HIBCH: variants seen among roughly 807,000 people sequenced by gnomAD.
HIBCH encodes 3-hydroxyisobutyryl-CoA hydrolase, mitochondrial.
Under a neutral mutation model 58.2 loss-of-function variants are expected in HIBCH, and 50 were observed. The ratio of observed to expected loss-of-function variants is 0.86; its 90% confidence interval spans 0.68 to 1.09. HIBCH has a LOEUF of 1.09. Ranked by LOEUF, HIBCH falls within the 50% of genes least tolerant of loss-of-function variation. The pLI is 0.00. For synonymous variants in HIBCH, 151 were observed against 146.9 expected (o/e 1.03, Z -0.20); for missense variants, 450 against 449.7 (o/e 1.00, Z -0.01).
At chr2:190,283,129 TAGATTTA>T (rs1687746279) in intron 6 of HIBCH, among the ~76,000 whole-genome samples, 1 of 152,230 alleles carries the variant, frequency 6.6e-6, no homozygotes, top group African/African-American at 2.4e-5. Context: ...TTCAGATTTT[TAGATTTA>T]AGATTTGTTA....
At chr2:190,205,829 A>C (rs1375924353) in intron 13 of HIBCH, among the ~76,000 whole-genome samples, 1 of 152,192 alleles carries the variant, frequency 6.6e-6, no homozygotes, top group Non-Finnish European at 1.5e-5. Flanking sequence ...ATAGCCACAT[A>C]GTATCCCCAC....
At chr2:190,218,027 A>G in intron 11 of HIBCH, among the ~76,000 whole-genome samples, 1 of 152,132 alleles carries the variant, frequency 6.6e-6, no homozygotes, top group East Asian at 1.9e-4. Flanking sequence ...GCCCAGTACT[A>G]GGGGTGGAAA....
At chr2:190,251,543 T>A (rs968864060) in intron 8 of HIBCH, 22 of 448,598 alleles carry the variant, frequency 4.9e-5, no homozygotes, top group Non-Finnish European at 9.2e-5. Flanking sequence ...TACTATGTAA[T>A]AGTGTCATCT....
chr2:190,224,804 C>T (rs932057405), intron 11 of HIBCH, among the ~76,000 whole-genome samples: 7 of 152,306 alleles, frequency 4.6e-5, no homozygotes, highest in African/African-American at 1.7e-4. Context: ...ATCTACAGAA[C>T]TCTCCACCCC....
At chr2:190,198,095 C>T (rs1235796720) in intron 1 of HIBCH, among the ~76,000 whole-genome samples, 1 of 152,168 alleles carries the variant, frequency 6.6e-6, no homozygotes, top group Non-Finnish European at 1.5e-5. Context: ...TTAAAATTAA[C>T]ATCTCTGAAG....
intron 6 of HIBCH, among the ~76,000 whole-genome samples, chr2:190,274,611 C>T (rs533829463): frequency 6.6e-6 from 1 of 152,236 alleles, no homozygotes; most frequent in East Asian, 1.9e-4. Flanking sequence ...GCTGGGACTG[C>T]TCCAACAAGA....
intron 6 of HIBCH, among the ~76,000 whole-genome samples, chr2:190,284,724 T>A (rs902839866): frequency 1.3e-5 from 2 of 152,200 alleles, no homozygotes; most frequent in African/African-American, 2.4e-5. Context: ...TTTACCTTGA[T>A]TCCTTGGCCT....
At chr2:190,285,152 T>C (rs1205982682) in intron 6 of HIBCH, among the ~76,000 whole-genome samples, 1 of 152,256 alleles carries the variant, frequency 6.6e-6, no homozygotes, top group Non-Finnish European at 1.5e-5. Context: ...ATGTCAGCTT[T>C]GCTACTGTGT....
At chr2:190,257,781 G>A (rs1686969525) in intron 7 of HIBCH, among the ~76,000 whole-genome samples, 1 of 152,294 alleles carries the variant, frequency 6.6e-6, no homozygotes, top group African/African-American at 2.4e-5. Context: ...GACAGGACAA[G>A]AGAGCAGAAG....
chr2:190,231,255 GA>G (rs1686087379), intron 11 of HIBCH, among the ~76,000 whole-genome samples: 1 of 152,128 alleles, frequency 6.6e-6, no homozygotes, highest in Non-Finnish European at 1.5e-5. Context: ...GCAGTAACTA[GA>G]AATCTTCCAG....
intron 11 of HIBCH, among the ~76,000 whole-genome samples, chr2:190,231,132 A>C (rs1408366585): frequency 6.6e-6 from 1 of 152,238 alleles, no homozygotes; most frequent in Admixed American, 6.5e-5. Context: ...TCTTTTCAAC[A>C]AACTGTGCTG....
rs59818148 is a variant in HIBCH, at chr2:190,206,556, GAGAT to G, written c.1046-1328_1046-1325del. Reference sequence around the variant, plus strand: ...GCAGCTCAGGTTTTGCAAGTCTCCTGAGATAGCCACTACATGGAGTTTGAGTGGG... The same window carrying G: ...GCAGCTCAGGTTTTGCAAGTCTCCTGAGCCACTACATGGAGTTTGAGTGGG... On this transcript the variant is annotated intron_variant, in intron 13 of 13. Coordinates refer to ENST00000359678, the MANE Select transcript of HIBCH (RefSeq NM_014362.4). This position sits in a 1 kb window ranked among gnomAD's most constrained non-coding sequence, Gnocchi z 5.1. 2.1e-3 allele frequency among the ~76,000 whole-genome samples: 313 copies of G among 152,290 alleles called. No individual in the cohort carries two copies. The highest frequency in any genetic ancestry group is 6.9e-3 in the African/African-American group (287 of 41,562).
intron 1 of HIBCH, 155 bp from the exon 2 acceptor site, chr2:190,310,951 A>G: frequency 1.4e-6 from 1 of 710,384 alleles, no homozygotes; most frequent in Non-Finnish European, 2.6e-6. Flanking sequence ...GCTGGTAGGA[A>G]CATTAAATGG....
chr2:190,307,713 GA>G (rs34421312), intron 2 of HIBCH, among the ~76,000 whole-genome samples: 83,330 of 151,704 alleles, frequency 0.55, 23,789 homozygotes, highest in South Asian at 0.61. Flanking sequence ...GGAGAAAGAA[GA>G]AAAAAAAATA....
intron 7 of HIBCH, among the ~76,000 whole-genome samples, chr2:190,259,642 TTTTTCAAATAGTTTGTTGTTAG>T (rs1348259067): frequency 6.6e-6 from 1 of 152,242 alleles, no homozygotes; most frequent in Non-Finnish European, 1.5e-5. Context: ...TGTTTTCTTA[TTTTTCAAATAGTTTGTTGTTAG>T]TGTATAGAAA....
chr2:190,276,699 C>T (rs1687562657), intron 6 of HIBCH, among the ~76,000 whole-genome samples: 1 of 152,200 alleles, frequency 6.6e-6, no homozygotes, highest in South Asian at 2.1e-4. Flanking sequence ...GAAGCAGATG[C>T]TAGTGCCATG....
chr2:190,256,617 C>T (rs915702225), intron 7 of HIBCH, among the ~76,000 whole-genome samples: 6 of 151,886 alleles, frequency 4.0e-5, no homozygotes, highest in Non-Finnish European at 2.9e-5. Flanking sequence ...TAAAAAATTA[C>T]CAGCTATCTA....
Position 190,294,563 on chromosome 2 carries a change from G to A in HIBCH, c.287C>T (p.Ala96Val), listed in dbSNP as rs1688055735. The stretch of plus-strand genomic sequence containing the variant: ...GTCTTTACCTCTGATATCACCCCCG[G>A]CACAGAAAGCCTTTCCTCCTGCTCC... Reference protein sequence around the residue: ...IKGAGGKAFCAGGDIRVISEA... With the variant: ...IKGAGGKAFCVGGDIRVISEA... Residue 96 changes from alanine to valine, a missense_variant, in exon 4 of 14, where the codon GCC becomes GTC. By Grantham distance (64) the Ala-to-Val change is moderately conservative (BLOSUM62 0). Transcript: ENST00000359678. 3.1e-6 allele frequency: 5 copies of A among 1,611,918 alleles called. No homozygotes were observed. In the South Asian group the frequency reaches 4.4e-5, roughly 14 times the overall value.
At chr2:190,265,500 T>C (rs566072721) in intron 6 of HIBCH, among the ~76,000 whole-genome samples, 2 of 152,070 alleles carry the variant, frequency 1.3e-5, no homozygotes, top group African/African-American at 4.8e-5. Context: ...GAATTCTCTA[T>C]ATATCCTAGA....
Sources: allele counts gnomAD v4.1 joint callset (sites outside exome capture counted in the v4.1 genomes callset), GRCh38; gene constraint gnomAD v4.1.1; non-coding constraint Gnocchi (gnomAD v3.1); transcripts MANE v1.5; gene names NCBI Gene and HGNC (gene_info 2026-07-23, HGNC 2026-07-21).